RNGTT: variants seen among roughly 807,000 people sequenced by gnomAD.
RNGTT encodes the protein mRNA-capping enzyme.
A neutral mutation model predicts 79.3 loss-of-function variants in RNGTT; 33 were observed. The observed-to-expected ratio is 0.42, with a 90% CI of 0.32 to 0.56. The LOEUF (loss-of-function observed/expected upper bound fraction) is 0.56, where lower values mean the gene tolerates loss of function less well. RNGTT is among the 20% of genes least tolerant of loss of function. The pLI, the probability that RNGTT is intolerant of heterozygous loss-of-function variation, is 0.17. For missense variants in RNGTT, 497 were observed against 739.1 expected (o/e 0.67, Z 3.80); for synonymous variants, 222 against 235.9 (o/e 0.94, Z 0.54).
At chr6:88,742,786 TCAAAGGGTGCTTATGAGTAGC>T (rs1333868246) in intron 13 of RNGTT, among the ~76,000 whole-genome samples, 1 of 152,234 alleles carries the variant, frequency 6.6e-6, no homozygotes, top group Non-Finnish European at 1.5e-5. Flanking sequence ...TAAAAACTTT[TCAAAGGGTGCTTATGAGTAGC>T]AATTAGAGAG....
chr6:88,963,323 G>C lies in RNGTT; in HGVS notation c.64+23C>G, dbSNP rs759139589. On this transcript the variant is annotated intron_variant, in intron 1 of 15. Transcript: ENST00000369485. ...CGGGCACGTTGGAGTGTGGGGATTCGAACGCCCCCCAGTCCAGGTTACCTG... is the reference window on the plus strand; with the variant it reads ...CGGGCACGTTGGAGTGTGGGGATTCCAACGCCCCCCAGTCCAGGTTACCTG... 4.3e-6 allele frequency: 7 copies of C among 1,611,666 alleles called. No homozygotes were observed. The South Asian group carries it at 7.7e-5, about 18-fold the overall frequency.
At chr6:88,860,806 T>C (rs1397614145) in intron 8 of RNGTT, among the ~76,000 whole-genome samples, 1 of 150,186 alleles carries the variant, frequency 6.7e-6, no homozygotes, top group African/African-American at 2.5e-5. Context: ...AGACCACATC[T>C]CTATTTTTTT....
At chr6:88,620,277 C>T (rs967135803) in intron 14 of RNGTT, among the ~76,000 whole-genome samples, 3 of 152,198 alleles carry the variant, frequency 2.0e-5, no homozygotes, top group East Asian at 3.8e-4. Context: ...TATAACTCTA[C>T]CTTATTTACT....
In RNGTT at chr6:88,943,392, G is replaced by A. The variant is rs115654946; in HGVS notation, c.65-2212C>T. On this transcript the variant is annotated intron_variant, in intron 1 of 15. Transcript: ENST00000369485. ...CTCACACCCAACATCCAATCCATCA[G>A]CAAATCCCGTAGCTCCACCTTCAAA... Among the ~76,000 whole-genome samples the A allele has an allele frequency of 4.5e-3, 688 of 152,156 alleles. 9 individuals carry two copies. Among genetic ancestry groups the A allele is most frequent in the African/African-American group, 0.016 (660 of 41,484 alleles).
chr6:88,654,625 C>CT (rs3839424), intron 14 of RNGTT, among the ~76,000 whole-genome samples: 82,785 of 151,946 alleles, frequency 0.54, 24,005 homozygotes, highest in African/African-American at 0.75. Flanking sequence ...GAGATCTCAT[C>CT]TTTTCTTCCC....
intron 1 of RNGTT, among the ~76,000 whole-genome samples, chr6:88,952,348 AAC>A (rs1422140849): frequency 2.0e-5 from 3 of 152,144 alleles, no homozygotes; most frequent in African/African-American, 7.2e-5. Context: ...CTGGTTGCTG[AAC>A]ACAAAAGACA....
intron 13 of RNGTT, among the ~76,000 whole-genome samples, chr6:88,747,836 AC>A (rs1461750373): frequency 6.6e-6 from 1 of 152,208 alleles, no homozygotes; most frequent in African/African-American, 2.4e-5. Context: ...ACAGAAGCTA[AC>A]AGGTAAGCCA....
At chr6:88,794,773 G>A (rs564707910) in intron 12 of RNGTT, among the ~76,000 whole-genome samples, 1 of 152,288 alleles carries the variant, frequency 6.6e-6, no homozygotes, top group South Asian at 2.1e-4. Context: ...TTTTAGTTCT[G>A]AAGCAATTTG....
chr6:88,721,053 A>G (rs770068409), intron 13 of RNGTT, among the ~76,000 whole-genome samples: 2 of 152,070 alleles, frequency 1.3e-5, no homozygotes, highest in Non-Finnish European at 2.9e-5. Flanking sequence ...TCCATTCAAT[A>G]TAGGCATTTT....
intron 2 of RNGTT, among the ~76,000 whole-genome samples, chr6:88,930,153 C>T (rs535609476): frequency 2.8e-4 from 40 of 141,326 alleles, no homozygotes; most frequent in South Asian, 2.1e-3. Context: ...CATATACGTA[C>T]ATACATATAT....
chr6:88,780,537 T>G (rs1336154323), intron 12 of RNGTT, among the ~76,000 whole-genome samples: 1 of 152,188 alleles, frequency 6.6e-6, no homozygotes, highest in Admixed American at 6.5e-5. Context: ...TTTACCAGCA[T>G]GTATCTAGGT....
chr6:88,919,104 T>C (rs1432403817), intron 4 of RNGTT, among the ~76,000 whole-genome samples: 1 of 152,138 alleles, frequency 6.6e-6, no homozygotes, highest in Non-Finnish European at 1.5e-5. Flanking sequence ...CAAACCACTA[T>C]AGAAAAATGT....
At chr6:88,936,861 T>G (rs907045943) in intron 2 of RNGTT, among the ~76,000 whole-genome samples, 1 of 152,202 alleles carries the variant, frequency 6.6e-6, no homozygotes, top group African/African-American at 2.4e-5. Context: ...TTGGTAGAAT[T>G]TGGTGGTGAA....
intron 1 of RNGTT, among the ~76,000 whole-genome samples, chr6:88,957,103 G>GATGT (rs1347191483): frequency 2.0e-5 from 3 of 152,124 alleles, no homozygotes; most frequent in Admixed American, 1.3e-4. Flanking sequence ...AAAATCACAT[G>GATGT]ATCATCTCAA....
intron 13 of RNGTT, among the ~76,000 whole-genome samples, chr6:88,756,696 T>C (rs947880790): frequency 3.3e-5 from 5 of 152,180 alleles, no homozygotes; most frequent in African/African-American, 9.7e-5. Context: ...CTATATTGAC[T>C]ACATACAAAT....
intron 4 of RNGTT, among the ~76,000 whole-genome samples, chr6:88,913,907 G>A (rs535343022): frequency 1.6e-4 from 25 of 152,070 alleles, no homozygotes; most frequent in Middle Eastern, 6.8e-3. Flanking sequence ...AGGAAGAGAG[G>A]ACATCATATG....
intron 11 of RNGTT, among the ~76,000 whole-genome samples, chr6:88,830,768 C>T (rs912946952): frequency 2.0e-5 from 3 of 152,112 alleles, no homozygotes; most frequent in Non-Finnish European, 2.9e-5. Context: ...CACCACCAAT[C>T]CCACAGAAAT....
At chr6:88,937,992 A>G (rs1784723776) in intron 2 of RNGTT, among the ~76,000 whole-genome samples, 1 of 152,152 alleles carries the variant, frequency 6.6e-6, no homozygotes, top group Admixed American at 6.6e-5. Flanking sequence ...TCCTCACAAG[A>G]AAAATGTGTA....
chr6:88,892,078 T>C (rs1367750655), intron 6 of RNGTT, among the ~76,000 whole-genome samples, 163 bp from the exon 7 acceptor site: 2 of 152,074 alleles, frequency 1.3e-5, no homozygotes, highest in African/African-American at 4.8e-5. Context: ...TCCCCTAAGA[T>C]TGTACACTAG....
Sources: gnomAD v4.1 joint callset for allele counts (sites outside exome capture counted in the v4.1 genomes callset) on GRCh38, gnomAD v4.1.1 for gene constraint, MANE v1.5 for transcripts, NCBI Gene and HGNC (gene_info 2026-07-23, HGNC 2026-07-21) for gene names.